Variants in NOCT observed in about 807,000 individuals in gnomAD.
The protein encoded by NOCT is nocturnin.
In NOCT, 18 loss-of-function variants were observed where a neutral mutation model predicts 35.0. The ratio of observed to expected loss-of-function variants is 0.51; its 90% CI spans 0.36 to 0.76. The LOEUF (loss-of-function observed/expected upper bound fraction) is 0.76, where lower values mean the gene tolerates loss of function less well. Ranked by LOEUF, NOCT falls within the 30% of genes least tolerant of loss-of-function variation. The probability of loss-of-function intolerance (pLI) is 0.01; values close to 1 mark genes in which losing one functional copy is unlikely to be tolerated. For synonymous variants in NOCT, 235 were observed against 226.3 expected (o/e 1.04, Z -0.34); for missense variants, 479 against 541.0 (o/e 0.89, Z 1.14).
chr4:139,016,780 A>G (rs1294497675), intron 1 of NOCT, among the ~76,000 whole-genome samples: 4 of 149,012 alleles, frequency 2.7e-5, no homozygotes, highest in Admixed American at 2.0e-4. Context: ...CAGCCTCCCG[A>G]GTAGCTGGGA....
At chr4:139,037,435 C>G (rs1726755549) in intron 1 of NOCT, among the ~76,000 whole-genome samples, 1 of 151,974 alleles carries the variant, frequency 6.6e-6, no homozygotes, top group Admixed American at 6.6e-5. Flanking sequence ...TTAATAATTA[C>G]TATTTTTTTA....
chr4:139,045,523 T>TTA lies in NOCT; in HGVS notation c.*50_*51insAT. 2 of 1,072,830 alleles carry TTA rather than the reference T, an allele frequency of 1.9e-6. No homozygotes were observed. Among genetic ancestry groups the TTA allele is most frequent in the East Asian group, 5.0e-5 (2 of 39,626 alleles). The allele number at this position is 1,072,830 out of a possible 1,614,324, so 66.5% of individuals were successfully genotyped here. Reference sequence around the variant, plus strand: ...CACAGGAGTCTATTTTTTTTTTTTTTTTTTTTTTTTTGAGACAGAGTCTCG... The same window carrying TTA: ...CACAGGAGTCTATTTTTTTTTTTTTTTATTTTTTTTTTTGAGACAGAGTCTCG... On this transcript the variant is annotated 3_prime_UTR_variant, in exon 3 of 3. Coordinates refer to ENST00000280614, the MANE Select transcript of NOCT (RefSeq NM_012118.4).
chr4:139,040,713 G>A (rs1726820922), intron 1 of NOCT, among the ~76,000 whole-genome samples: 1 of 152,194 alleles, frequency 6.6e-6, no homozygotes, highest in Admixed American at 6.5e-5. Context: ...GGTGTCAAAC[G>A]TCACTGTTTA....
intron 1 of NOCT, among the ~76,000 whole-genome samples, chr4:139,039,605 A>G (rs1251410527): frequency 6.6e-6 from 1 of 151,500 alleles, no homozygotes; most frequent in Non-Finnish European, 1.5e-5. Flanking sequence ...AAAAAAAGCA[A>G]TCCTTAGGTT....
chr4:139,037,763 C>CGG (rs1193764521), intron 1 of NOCT, among the ~76,000 whole-genome samples: 7 of 152,006 alleles, frequency 4.6e-5, no homozygotes, highest in African/African-American at 1.7e-4. Flanking sequence ...TGGTGTGCAC[C>CGG]GGTAGTCTCA....
intron 1 of NOCT, among the ~76,000 whole-genome samples, chr4:139,021,975 TCTCGAA>T (rs1199328502): frequency 6.6e-6 from 1 of 152,124 alleles, no homozygotes; most frequent in Non-Finnish European, 1.5e-5. Context: ...GTCAGGCTCC[TCTCGAA>T]CTCCTGACCT....
intron 1 of NOCT, among the ~76,000 whole-genome samples, chr4:139,018,818 AG>A (rs1228506074): frequency 6.6e-6 from 1 of 152,222 alleles, no homozygotes; most frequent in Non-Finnish European, 1.5e-5. Flanking sequence ...GCAGGAAAGC[AG>A]GAAGTCCCTT....
intron 1 of NOCT, among the ~76,000 whole-genome samples, chr4:139,030,974 T>C (rs1343114112): frequency 2.0e-5 from 3 of 152,134 alleles, no homozygotes; most frequent in Admixed American, 6.6e-5. Flanking sequence ...TGGCTTTTGC[T>C]TGGTTTTTAA....
Position 139,029,543 on chromosome 4 carries a change from C to T in NOCT, c.190+13372C>T, listed in dbSNP as rs940799043. Among the ~76,000 whole-genome samples the T allele has an allele frequency of 2.0e-5, 3 of 152,216 alleles. No homozygotes were observed. The South Asian group carries it at 6.2e-4, about 31-fold the overall frequency. On this transcript the variant is annotated intron_variant, in intron 1 of 2. Coordinates refer to ENST00000280614, the MANE Select transcript of NOCT (RefSeq NM_012118.4). ...CTCAATAACAGACTTGGAGACTGGT[C>T]GGTCACTAACTAAAATATTTGACTC... is the stretch of plus-strand genomic sequence containing the variant.
Position 139,045,547 on chromosome 4 carries a change from C to T in NOCT, c.*73C>T, listed in dbSNP as rs768565041. On this transcript the variant is annotated 3_prime_UTR_variant, in exon 3 of 3. Coordinates refer to ENST00000280614, the MANE Select transcript of NOCT (RefSeq NM_012118.4). Reference sequence around the variant, plus strand: ...TTTTTTTTTTTTTGAGACAGAGTCTCGCTCTGTTGCCTAGGCTGGAGTACA... The same window carrying T: ...TTTTTTTTTTTTTGAGACAGAGTCTTGCTCTGTTGCCTAGGCTGGAGTACA... 13 of 764,552 alleles carry T rather than the reference C, an allele frequency of 1.7e-5. No homozygotes were observed. Among genetic ancestry groups the T allele is most frequent in the Middle Eastern group, 4.1e-4 (1 of 2,448 alleles). The allele number at this position is 764,552 out of a possible 1,614,324, so 47.4% of individuals were successfully genotyped here. A position where few individuals can be genotyped will look rare whatever the true frequency, so the allele number is the denominator to read the frequency against.
At chr4:139,038,092 C>T (rs541769754) in intron 1 of NOCT, among the ~76,000 whole-genome samples, 6 of 151,926 alleles carry the variant, frequency 3.9e-5, no homozygotes, top group East Asian at 1.9e-4. Flanking sequence ...CCCAACTCCT[C>T]GGGAGGCTGA....
chr4:139,035,713 C>T (rs1333452979), intron 1 of NOCT, among the ~76,000 whole-genome samples: 1 of 152,186 alleles, frequency 6.6e-6, no homozygotes, highest in Non-Finnish European at 1.5e-5. Context: ...TCTCCAGCTG[C>T]TTCCCATCTC....
intron 1 of NOCT, among the ~76,000 whole-genome samples, chr4:139,017,584 C>G (rs1726337479): frequency 6.6e-6 from 1 of 150,486 alleles, no homozygotes. Context: ...TAATCCAGCA[C>G]TGTGGGAGGC....
At chr4:139,021,373 C>T (rs924617263) in intron 1 of NOCT, among the ~76,000 whole-genome samples, 1 of 152,124 alleles carries the variant, frequency 6.6e-6, no homozygotes, top group African/African-American at 2.4e-5. Flanking sequence ...AATCCCAGCA[C>T]TTTGGGAGGC....
At chr4:139,025,100 T>G (rs1183848032) in intron 1 of NOCT, among the ~76,000 whole-genome samples, 1 of 152,172 alleles carries the variant, frequency 6.6e-6, no homozygotes, top group Non-Finnish European at 1.5e-5. Context: ...CCTGATCTGG[T>G]CTGCTTCTCT....
intron 1 of NOCT, among the ~76,000 whole-genome samples, chr4:139,037,783 G>A (rs1031211027): frequency 5.3e-5 from 8 of 152,148 alleles, no homozygotes; most frequent in Non-Finnish European, 1.2e-4. Flanking sequence ...AGCTACTCAG[G>A]AGGCTGAGGT....
intron 2 of NOCT, chr4:139,043,906 G>A (rs895894020): frequency 2.6e-5 from 4 of 151,324 alleles, no homozygotes; most frequent in African/African-American, 7.3e-5. Context: ...CAAGATCGAG[G>A]TTGCAGTGAG....
chr4:139,041,734 TG>T (rs1460952955), intron 1 of NOCT, among the ~76,000 whole-genome samples: 1 of 152,212 alleles, frequency 6.6e-6, no homozygotes, highest in Non-Finnish European at 1.5e-5. Flanking sequence ...GGTAGTGCCC[TG>T]GATGGAAGTT....
chr4:139,042,929 A>G (rs1726862069), intron 1 of NOCT, 145 bp from the exon 2 acceptor site: 3 of 678,542 alleles, frequency 4.4e-6, no homozygotes, highest in South Asian at 2.9e-5. Flanking sequence ...AAAAAAAAAA[A>G]GAAAAAAGAA....
Sources: gnomAD v4.1 joint callset for allele counts (sites outside exome capture counted in the v4.1 genomes callset) on GRCh38, gnomAD v4.1.1 for gene constraint, MANE v1.5 for transcripts, NCBI Gene and HGNC (gene_info 2026-07-23, HGNC 2026-07-21) for gene names.